The following ATXN2 variants were observed in gnomAD, a reference collection of about 807,000 sequenced individuals.
ATXN2 encodes the protein ataxin 2.
Under a neutral mutation model 138.6 loss-of-function variants are expected in ATXN2, and 37 were observed. The ratio of observed to expected loss-of-function variants is 0.27; its 90% CI spans 0.21 to 0.35. The LOEUF (loss-of-function observed/expected upper bound fraction) is 0.35, where lower values mean the gene tolerates loss of function less well. Ranked by LOEUF, ATXN2 falls within the 10% of genes least tolerant of loss-of-function variation. The pLI is 1.00. For synonymous variants in ATXN2, 549 were observed against 543.7 expected (o/e 1.01, Z -0.13); for missense variants, 1,216 against 1,480.3 (o/e 0.82, Z 2.93).
chr12:111,592,087 A>G (rs545345097), intron 1 of ATXN2, among the ~76,000 whole-genome samples: 3 of 145,118 alleles, frequency 2.1e-5, no homozygotes, highest in Admixed American at 6.9e-5. Flanking sequence ...CAAAAAAAAA[A>G]AAAACACCTT....
Position 111,552,185 on chromosome 12 carries a change from T to C in ATXN2, c.571+95A>G. On this transcript the variant is annotated intron_variant, in intron 5 of 24. Coordinates refer to ENST00000673436, the MANE Select transcript of ATXN2 (RefSeq NM_001372574.1). The surrounding 1 kb of genome is among the most constrained non-coding windows in gnomAD (Gnocchi z 4.1). ...AATGAGCCGCCATACCCAGCCCAGA[T>C]ATTTCTTTAAAAAAAGTTTGTAAGA... is the stretch of plus-strand genomic sequence containing the variant. The C allele has an allele frequency of 7.4e-7, 1 of 1,344,608 alleles. No individual in the cohort carries two copies. The highest frequency in any genetic ancestry group is 1.0e-6 in the Non-Finnish European group (1 of 1,001,178). The allele number at this position is 1,344,608 out of a possible 1,614,324, so 83.3% of individuals were successfully genotyped here. A position where few individuals can be genotyped will look rare whatever the true frequency, so the allele number is the denominator to read the frequency against.
chr12:111,573,708 G>A (rs1399765911), intron 1 of ATXN2, among the ~76,000 whole-genome samples: 1 of 152,032 alleles, frequency 6.6e-6, no homozygotes, highest in Non-Finnish European at 1.5e-5. Context: ...CTGACAGGCT[G>A]GGCTGTTGTA....
chr12:111,560,925 G>C (rs973056423), intron 1 of ATXN2, among the ~76,000 whole-genome samples: 1 of 152,164 alleles, frequency 6.6e-6, no homozygotes, highest in Non-Finnish European at 1.5e-5. Flanking sequence ...AATTAATGCA[G>C]TAAAAGAAGG....
At chr12:111,568,987 GTTTTT>G (rs762027899) in intron 1 of ATXN2, among the ~76,000 whole-genome samples, 3 of 111,186 alleles carry the variant, frequency 2.7e-5, no homozygotes, top group Admixed American at 1.6e-4. Context: ...TGAAGCTAGA[GTTTTT>G]TTTGTTTTGT....
intron 14 of ATXN2, among the ~76,000 whole-genome samples, chr12:111,507,437 C>T (rs1215773290): frequency 6.6e-6 from 1 of 151,760 alleles, no homozygotes; most frequent in Non-Finnish European, 1.5e-5. Flanking sequence ...GCAGCCACCC[C>T]GTCTGGGAAG....
chr12:111,527,162 G>A (rs549990666), intron 5 of ATXN2, among the ~76,000 whole-genome samples: 1 of 152,292 alleles, frequency 6.6e-6, no homozygotes, highest in African/African-American at 2.4e-5. Flanking sequence ...GGGCAATGAT[G>A]GCACTAGGAA....
chr12:111,572,116 C>T (rs1478912600), intron 1 of ATXN2, among the ~76,000 whole-genome samples: 1 of 150,190 alleles, frequency 6.7e-6, no homozygotes, highest in African/African-American at 2.4e-5. Flanking sequence ...TATTTACTAT[C>T]GGGCTGGGCA....
At chr12:111,485,917 A>T in intron 16 of ATXN2, 52 bp from the exon 17 acceptor site, 1 of 1,547,964 alleles carries the variant, frequency 6.5e-7, no homozygotes, top group Non-Finnish European at 8.8e-7. Flanking sequence ...ATGAACTATT[A>T]TTGCAATTTA....
chr12:111,541,151 A>G (rs1021666202), intron 5 of ATXN2, among the ~76,000 whole-genome samples: 1 of 149,614 alleles, frequency 6.7e-6, no homozygotes, highest in Admixed American at 6.7e-5. Context: ...GTTTAATCAC[A>G]GTTTTCTCAT....
chr12:111,570,230 C>T (rs1205096027), intron 1 of ATXN2, among the ~76,000 whole-genome samples: 1 of 152,034 alleles, frequency 6.6e-6, no homozygotes, highest in Non-Finnish European at 1.5e-5. Flanking sequence ...ACGATCTACC[C>T]GTTGCTCATA....
intron 1 of ATXN2, among the ~76,000 whole-genome samples, chr12:111,573,117 T>C (rs145639312): frequency 6.6e-6 from 1 of 152,140 alleles, no homozygotes; most frequent in African/African-American, 2.4e-5. Flanking sequence ...GACTAAAGCA[T>C]GGTTGATTGA....
intron 5 of ATXN2, among the ~76,000 whole-genome samples, chr12:111,544,980 A>G (rs1881725081): frequency 6.6e-6 from 1 of 152,050 alleles, no homozygotes; most frequent in Non-Finnish European, 1.5e-5. Context: ...TAACACGGTG[A>G]AACCCCATCT....
intron 18 of ATXN2, chr12:111,471,118 A>C (rs1057380104): frequency 5.7e-5 from 12 of 211,612 alleles, no homozygotes; most frequent in African/African-American, 2.7e-4. Flanking sequence ...ATTCATTTTG[A>C]GAAAAACAAA....
chr12:111,455,832 C>A, intron 23 of ATXN2, 197 bp downstream of exon 23: 1 of 646,486 alleles, frequency 1.5e-6, no homozygotes, highest in Admixed American at 2.5e-5. Context: ...ACTGACCAAT[C>A]AGCACCTTCA....
At chr12:111,549,629 C>G (rs1430957283) in intron 5 of ATXN2, among the ~76,000 whole-genome samples, 1 of 152,112 alleles carries the variant, frequency 6.6e-6, no homozygotes, top group Admixed American at 6.5e-5. Flanking sequence ...TACTTTTCTT[C>G]TTTTATAGAA....
intron 22 of ATXN2, among the ~76,000 whole-genome samples, chr12:111,456,922 G>A (rs759701828): frequency 5.3e-5 from 8 of 151,874 alleles, no homozygotes; most frequent in African/African-American, 1.2e-4. Context: ...TAATTTTTTT[G>A]TATTTTTATT....
Position 111,453,634 on chromosome 12 carries a change from T to C in ATXN2, c.3439+43A>G, listed in dbSNP as rs773764944. 66 of 1,493,026 alleles carry C rather than the reference T, an allele frequency of 4.4e-5. 1 individual carries two copies. In the South Asian group the frequency reaches 6.9e-4, roughly 16 times the overall value. 92.5% of individuals were successfully genotyped at this position (1,493,026 alleles called of 1,614,324 possible). On this transcript the variant is annotated intron_variant, in intron 24 of 24. Transcript: ENST00000673436. The surrounding 1 kb of genome is among the most constrained non-coding windows in gnomAD (Gnocchi z 5.4). ...TGCCATTCCACCTGTGCGAGCAGAA[T>C]GCTTTGGGGTGCCCCGGCGGCCCCT...
chr12:111,500,321 G>A, intron 14 of ATXN2, among the ~76,000 whole-genome samples: 1 of 152,188 alleles, frequency 6.6e-6, no homozygotes, highest in East Asian at 1.9e-4. Flanking sequence ...CAATGTAGAT[G>A]GCACTGGAGG....
Position 111,598,986 on chromosome 12 carries a change from G to C in ATXN2, c.49C>G (p.Gln17Glu). 1.4e-6 allele frequency: 2 copies of C among 1,464,796 alleles called. No homozygotes were observed. Among genetic ancestry groups the C allele is most frequent in the Non-Finnish European group, 1.8e-6 (2 of 1,108,000 alleles). The allele number at this position is 1,464,796 out of a possible 1,614,324, so 90.7% of individuals were successfully genotyped here. A position where few individuals can be genotyped will look rare whatever the true frequency, so the allele number is the denominator to read the frequency against. ...QQQQQQQQQQ[Q>E]QQQQQQQQQQ... ...TGCTGCTGCTGCTGCTGTTGCTGCT[G>C]CTGCTGCTGCTGCTGCTGCTGCTGC... The change falls in exon 1 of 25, where the codon CAG (glutamine) becomes GAG (glutamate). Residue 17 changes from glutamine to glutamate, a missense_variant. Physicochemically the swap from Gln to Glu is conservative, Grantham distance 29. Transcript: ENST00000673436. This position sits in a 1 kb window ranked among gnomAD's most constrained non-coding sequence, Gnocchi z 4.5.
Sources: allele counts gnomAD v4.1 joint callset (sites outside exome capture counted in the v4.1 genomes callset), GRCh38; gene constraint gnomAD v4.1.1; non-coding constraint Gnocchi (gnomAD v3.1); transcripts MANE v1.5; gene names NCBI Gene and HGNC (gene_info 2026-07-23, HGNC 2026-07-21).